The following SOS1 variants were observed in gnomAD, a reference collection of about 807,000 sequenced individuals.
SOS1 encodes son of sevenless homolog 1.
In SOS1, 25 loss-of-function variants were observed where a neutral mutation model predicts 157.6. The ratio of observed to expected loss-of-function variants is 0.16; its 90% confidence interval spans 0.12 to 0.22. SOS1 has a LOEUF of 0.22. SOS1 is among the 10% of genes least tolerant of loss of function. The pLI is 1.00. For synonymous variants in SOS1, 528 were observed against 534.0 expected (o/e 0.99, Z 0.16); for missense variants, 1,237 against 1,599.1 (o/e 0.77, Z 3.86).
rs141565234 is a variant in SOS1 at position 38,989,315 on chromosome 2, C to T, written c.3347-1G>A. 255 of 1,602,024 alleles carry T rather than the reference C, an allele frequency of 1.6e-4. No individual in the cohort carries two copies. The highest frequency in any genetic ancestry group is 2.8e-4 in the Admixed American group (17 of 59,880). ...ACTTGGATAAAGACGGTATCATTGC[C>T]TGTGAAAGGAAACAAGAAAAAGTAG... On this transcript the variant is annotated splice_acceptor_variant, in intron 20 of 22. Transcript: ENST00000402219. LOFTEE classifies it high-confidence loss of function.
At chr2:39,114,548 C>T (rs1236166369) in intron 1 of SOS1, among the ~76,000 whole-genome samples, 3 of 152,050 alleles carry the variant, frequency 2.0e-5, no homozygotes, top group South Asian at 2.1e-4. Flanking sequence ...GGTGATCCCC[C>T]GCCTCAGCCT....
intron 1 of SOS1, among the ~76,000 whole-genome samples, chr2:39,116,529 T>C (rs1673656182): frequency 1.3e-5 from 2 of 152,232 alleles, no homozygotes; most frequent in Non-Finnish European, 2.9e-5. Flanking sequence ...TTCCATTCTA[T>C]GGCCAAAGTG....
At chr2:39,086,401 T>C (rs1012654192) in intron 1 of SOS1, among the ~76,000 whole-genome samples, 1 of 152,180 alleles carries the variant, frequency 6.6e-6, no homozygotes, top group Non-Finnish European at 1.5e-5. Flanking sequence ...GATGTTTTCA[T>C]AAGTGGGAGA....
intron 15 of SOS1, among the ~76,000 whole-genome samples, chr2:39,008,911 C>G (rs948377562): frequency 1.0e-4 from 12 of 117,716 alleles, no homozygotes; most frequent in African/African-American, 3.7e-4. Flanking sequence ...CCAGCAAAAA[C>G]AGATGAGGTA....
chr2:39,019,716 C>T (rs1475125316), intron 10 of SOS1, among the ~76,000 whole-genome samples: 2 of 151,410 alleles, frequency 1.3e-5, no homozygotes, highest in African/African-American at 2.4e-5. Context: ...CATCAATAGA[C>T]TAATAATTGG....
chr2:39,124,410 CG>C (rs1674003867), upstream of SOS1: 2 of 152,272 alleles, frequency 1.3e-5, no homozygotes, highest in Non-Finnish European at 2.9e-5. Flanking sequence ...GAGGCGCGTC[CG>C]GGCGGAATAG....
Position 38,997,015 on chromosome 2 carries a change from C to T in SOS1, c.2988G>A (p.Pro996=), listed in dbSNP as rs35462677. The change falls in exon 19 of 23, where the codon CCG becomes CCA. Residue 996 remains proline (P), a synonymous_variant. Transcript: ENST00000402219. ...ATTCCTTCTCCATGCTATTTCCCAT[C>T]GGATTCAAGTTTTCAAAGAACCTCT... ...DIKRFFENLN[P]MGNSMEKEFT... 393 of 1,593,880 alleles carry T rather than the reference C, an allele frequency of 2.5e-4. 1 individual carries two copies. The African/African-American group carries it at 4.6e-3, about 19-fold the overall frequency.
At chr2:38,987,664 G>C in intron 21 of SOS1, 73 bp from the exon 22 acceptor site, 1 of 773,456 alleles carries the variant, frequency 1.3e-6, no homozygotes, top group Non-Finnish European at 2.3e-6. Context: ...AAAAGTCTTA[G>C]CTGGAAATTG....
At chr2:39,013,610 T>C (rs1264424179) in intron 12 of SOS1, 47 bp from the exon 13 acceptor site, 1 of 1,219,692 alleles carries the variant, frequency 8.2e-7, no homozygotes, top group Non-Finnish European at 1.2e-6. Flanking sequence ...CAAACATAAA[T>C]GTTTATCACA....
At chr2:39,028,961 A>G (rs1670066510) in intron 8 of SOS1, among the ~76,000 whole-genome samples, 1 of 152,380 alleles carries the variant, frequency 6.6e-6, no homozygotes, top group East Asian at 1.9e-4. Context: ...TAGCCCTCTT[A>G]GCAAATGTAT....
At chr2:39,068,014 G>T (rs760167963) in intron 1 of SOS1, among the ~76,000 whole-genome samples, 1 of 152,110 alleles carries the variant, frequency 6.6e-6, no homozygotes, top group Non-Finnish European at 1.5e-5. Context: ...AGCTACCCAG[G>T]AGGCCGAGGC....
At chr2:39,035,620 A>C in intron 6 of SOS1, 120 bp from the exon 7 acceptor site, 1 of 707,054 alleles carries the variant, frequency 1.4e-6, no homozygotes, top group Non-Finnish European at 2.5e-6. Flanking sequence ...TCTAAGCAAA[A>C]ATTATATGAC....
chr2:38,989,744 C>G (rs1434792480), intron 20 of SOS1, among the ~76,000 whole-genome samples: 1 of 151,952 alleles, frequency 6.6e-6, no homozygotes, highest in Non-Finnish European at 1.5e-5. Context: ...ATATGTCTTT[C>G]AAAAATGTTC....
At chr2:39,106,590 C>CAAAAAAAAA (rs775720230) in intron 1 of SOS1, among the ~76,000 whole-genome samples, 11 of 31,326 alleles carry the variant, frequency 3.5e-4, no homozygotes, top group African/African-American at 8.8e-4. Flanking sequence ...GACTCCGTCT[C>CAAAAAAAAA]AAAAAAAAAA....
intron 11 of SOS1, 68 bp from the exon 12 acceptor site, chr2:39,014,057 A>G (rs1669551032): frequency 8.1e-7 from 1 of 1,237,946 alleles, no homozygotes; most frequent in Non-Finnish European, 1.2e-6. Context: ...GAAAACCACA[A>G]ACGTTTTCAC....
chr2:38,993,080 T>G (rs1462888039), intron 20 of SOS1: 2 of 150,972 alleles, frequency 1.3e-5, no homozygotes, highest in Admixed American at 1.3e-4. Context: ...TACCAAAAAT[T>G]TTATAAAATT....
In SOS1 at chr2:39,051,366, T is replaced by C. The variant is rs1273448571; in HGVS notation, c.721-79A>G. ...ACAAATTTTGAGCCAATAAGTCATT[T>C]TATAATCACAAAATTTAACATGTCA... On this transcript the variant is annotated intron_variant, in intron 5 of 22. Coordinates refer to ENST00000402219, the MANE Select transcript of SOS1 (RefSeq NM_005633.4). 2.3e-6 allele frequency: 3 copies of C among 1,286,620 alleles called. No individual in the cohort carries two copies. The African/African-American group carries it at 4.4e-5, about 19-fold the overall frequency. 79.7% of individuals were successfully genotyped at this position (1,286,620 alleles called of 1,614,324 possible).
chr2:39,008,772 T>G (rs1183836034), intron 15 of SOS1, among the ~76,000 whole-genome samples: 1 of 152,118 alleles, frequency 6.6e-6, no homozygotes, highest in Non-Finnish European at 1.5e-5. Flanking sequence ...TGGGTGTGTG[T>G]GGTCAGGTAA....
At position 38,983,106 on chromosome 2, in the gene SOS1, T is replaced by TAAAAG; in HGVS notation, c.*2713_*2717dup. On this transcript the variant is annotated 3_prime_UTR_variant, in exon 23 of 23. Transcript: ENST00000402219. ...ATCAGCCTTGAAATATTTTCATTTCTAAAAGAAATGTTCCACATTTTGGAA... is the reference window on the plus strand; with the variant it reads ...ATCAGCCTTGAAATATTTTCATTTCTAAAAGAAAAGAAATGTTCCACATTTTGGAA... 6.6e-6 allele frequency: 1 copy of TAAAAG among 152,288 alleles called. No individual in the cohort carries two copies. The highest frequency in any genetic ancestry group is 1.9e-4 in the East Asian group (1 of 5,190). 9.4% of individuals were successfully genotyped at this position (152,288 alleles called of 1,614,324 possible).
Sources: allele counts gnomAD v4.1 joint callset (sites outside exome capture counted in the v4.1 genomes callset), GRCh38; gene constraint gnomAD v4.1.1; transcripts MANE v1.5; gene names NCBI Gene and HGNC (gene_info 2026-07-23, HGNC 2026-07-21).